TBX10: variants seen among roughly 807,000 people sequenced by gnomAD.
TBX10 encodes the protein T-box transcription factor 10, also known as T-box transcription factor TBX10.
In TBX10, 26 loss-of-function variants were observed where a neutral mutation model predicts 32.4. The observed-to-expected ratio is 0.80, with a 90% CI of 0.59 to 1.11. TBX10 has a LOEUF of 1.11. TBX10 is among the 50% of genes most tolerant of loss of function. The probability of loss-of-function intolerance (pLI) is 0.00; values close to 1 mark genes in which losing one functional copy is unlikely to be tolerated. For synonymous variants in TBX10, 195 were observed against 203.1 expected (o/e 0.96, Z 0.34); for missense variants, 490 against 494.5 (o/e 0.99, Z 0.09).
rs757830371 is a variant in TBX10, at chr11:67,632,900, C to T, written c.705+48G>A. 8 of 1,613,894 alleles carry T rather than the reference C, an allele frequency of 5.0e-6. No homozygotes were observed. In the Admixed American group the frequency reaches 1.0e-4, roughly 20 times the overall value. The stretch of plus-strand genomic sequence containing the variant: ...GCAAGCCTCAGGGCTCAGTCTCCAC[C>T]CCTGTGAAATGGGCCTGCAGCGGGT... On this transcript the variant is annotated intron_variant, in intron 5 of 7. Transcript: ENST00000335385.
chr11:67,635,715 C>T (rs1250581816), intron 1 of TBX10, among the ~76,000 whole-genome samples: 1 of 152,078 alleles, frequency 6.6e-6, no homozygotes. Context: ...AGGGGTCTTC[C>T]CCAGCTCTGT....
intron 5 of TBX10, 58 bp downstream of exon 5, chr11:67,632,890 C>A: frequency 6.2e-7 from 1 of 1,613,324 alleles, no homozygotes; most frequent in African/African-American, 1.3e-5. Flanking sequence ...CCTCAGGGCT[C>A]AGTCTCCACC....
At chr11:67,632,271 A>G (rs1173158385) in intron 7 of TBX10, 47 bp downstream of exon 7, 6 of 1,607,388 alleles carry the variant, frequency 3.7e-6, no homozygotes, top group South Asian at 1.1e-5. Flanking sequence ...CCTTCCGCCC[A>G]CTGTGTACAC....
intron 1 of TBX10, 95 bp from the exon 2 acceptor site, chr11:67,635,358 CT>C: frequency 1.3e-6 from 2 of 1,542,656 alleles, no homozygotes; most frequent in East Asian, 4.6e-5. Flanking sequence ...CCAGGAAGCC[CT>C]CCCTGACTGC....
upstream of TBX10, among the ~76,000 whole-genome samples, chr11:67,640,405 C>T (rs897400862): frequency 1.3e-5 from 2 of 152,250 alleles, no homozygotes; most frequent in Non-Finnish European, 2.9e-5. Flanking sequence ...GGGCACTGCC[C>T]TGGCTGATGG....
Position 67,635,352 on chromosome 11 carries a change from G to A in TBX10, c.8-89C>T, listed in dbSNP as rs78182591. 81 of 1,577,980 alleles carry A rather than the reference G, an allele frequency of 5.1e-5. 1 individual carries two copies. The African/African-American group carries it at 9.9e-4, about 19-fold the overall frequency. ...TGCACCTATATGCCTCTTCCTCCAG[G>A]AAGCCCTCCCTGACTGCCAGGGCTG... On this transcript the variant is annotated intron_variant, in intron 1 of 7. Coordinates refer to ENST00000335385, the MANE Select transcript of TBX10 (RefSeq NM_005995.5).
Position 67,631,383 on chromosome 11 carries a change from C to T in TBX10, c.*222G>A, listed in dbSNP as rs979831559. On this transcript the variant is annotated 3_prime_UTR_variant, in exon 8 of 8. Coordinates refer to ENST00000335385, the MANE Select transcript of TBX10 (RefSeq NM_005995.5). ...GAGTTACCCCCAAAGCAAGAGGGCACAGTATTCAGGCTGCTGGGGTTGGGA... is the reference window on the plus strand; with the variant it reads ...GAGTTACCCCCAAAGCAAGAGGGCATAGTATTCAGGCTGCTGGGGTTGGGA... The T allele has an allele frequency of 4.9e-6, 3 of 611,650 alleles. No homozygotes were observed. The highest frequency in any genetic ancestry group is 8.6e-6 in the Non-Finnish European group (3 of 349,794). 37.9% of individuals were successfully genotyped at this position (611,650 alleles called of 1,614,324 possible).
Position 67,632,434 on chromosome 11 carries a change from G to C in TBX10, c.774-22C>G, listed in dbSNP as rs780369400. ...AGGCCTGAAAGAGCAAGCGAGAATG[G>C]GGGGAGGGGATCAAGGGGAAGAACC... On this transcript the variant is annotated intron_variant, in intron 6 of 7. Coordinates refer to ENST00000335385, the MANE Select transcript of TBX10 (RefSeq NM_005995.5). The C allele has an allele frequency of 1.1e-5, 17 of 1,607,340 alleles. No homozygotes were observed. In the South Asian group the frequency reaches 1.2e-4, roughly 11 times the overall value.
Position 67,631,525 on chromosome 11 carries a change from G to T in TBX10, c.*80C>A. The stretch of plus-strand genomic sequence containing the variant: ...CTCTCCTTGAGACAGAGATGGGGCT[G>T]GAGGGGGCGGGGCAGAGGCTGATTC... On this transcript the variant is annotated 3_prime_UTR_variant, in exon 8 of 8. Transcript: ENST00000335385. 6.6e-7 allele frequency: 1 copy of T among 1,508,996 alleles called. No individual in the cohort carries two copies. Among genetic ancestry groups the T allele is most frequent in the South Asian group, 1.2e-5 (1 of 83,390 alleles). 93.5% of individuals were successfully genotyped at this position (1,508,996 alleles called of 1,614,324 possible). A position where few individuals can be genotyped will look rare whatever the true frequency, so the allele number is the denominator to read the frequency against.
upstream of TBX10, among the ~76,000 whole-genome samples, chr11:67,639,964 G>C (rs1855382779): frequency 6.6e-6 from 1 of 152,196 alleles, no homozygotes; most frequent in African/African-American, 2.4e-5. Flanking sequence ...CATCTGCAGG[G>C]GTCCAGGCCT....
At position 67,632,298 on chromosome 11, in the gene TBX10, C is replaced by T. The variant is rs758534771; in HGVS notation, c.868+20G>A. 6.2e-7 allele frequency: 1 copy of T among 1,612,888 alleles called. No homozygotes were observed. Among genetic ancestry groups the T allele is most frequent in the Non-Finnish European group, 8.5e-7 (1 of 1,179,722 alleles). ...TGTGTACACCTTAGTCCCACTATGT[C>T]TGCAGGCCTGGGGCCTTACCTTTCT... On this transcript the variant is annotated intron_variant, in intron 7 of 7. Coordinates refer to ENST00000335385, the MANE Select transcript of TBX10 (RefSeq NM_005995.5).
rs776632977 is a variant in TBX10 at position 67,632,396 on chromosome 11, G to A, written c.790C>T (p.Pro264Ser). Residue 264 changes from proline (P) to serine (S), a missense_variant, in exon 7 of 8, where the codon CCC becomes TCC. Pro to Ser is a moderately conservative substitution (Grantham distance 74). This residue lies in a region of TBX10 where 177 missense variants were observed against 176.6 expected (regional missense o/e 1.00). Coordinates refer to ENST00000335385, the MANE Select transcript of TBX10 (RefSeq NM_005995.5). ...CTCCGGGCTGGGACACTGAGCAGGG[G>A]CCGTGGGGCCACAGGCCTGAAAGAG... ...DLDSWPVAPR[P>S]LLSVPARSHS... 3.1e-6 allele frequency: 5 copies of A among 1,612,634 alleles called. No homozygotes were observed. In the African/African-American group the frequency reaches 6.7e-5, roughly 22 times the overall value.
chr11:67,639,393 T>TTGCCCCCCCCCCCCCCCCCC, intron 1 of TBX10, 73 bp downstream of exon 1: 1 of 726,926 alleles, frequency 1.4e-6, no homozygotes, highest in Non-Finnish European at 2.5e-6. Flanking sequence ...CTGTCTTGGT[T>TTGCCCCCCCCCCCCCCCCCC]CCCACCCTGC....
At chr11:67,638,360 C>A (rs1169458041) in intron 1 of TBX10, among the ~76,000 whole-genome samples, 3 of 152,160 alleles carry the variant, frequency 2.0e-5, no homozygotes, top group Non-Finnish European at 2.9e-5. Flanking sequence ...CCATAAGGGG[C>A]TGAGAAGCTG....
chr11:67,632,185 C>G lies in TBX10; in HGVS notation c.868+133G>C, dbSNP rs572507948. ...ATTGTCTTAGGCATGTCTGCTTCCC[C>G]CTCCGTGTGTCCACACAGGGGCCCT... On this transcript the variant is annotated intron_variant, in intron 7 of 7. Transcript: ENST00000335385. The G allele has an allele frequency of 1.7e-4, 190 of 1,098,430 alleles. 1 individual carries two copies. Among genetic ancestry groups the G allele is most frequent in the South Asian group, 1.0e-3 (79 of 78,312 alleles). 68.0% of individuals were successfully genotyped at this position (1,098,430 alleles called of 1,614,324 possible).
chr11:67,632,898 A>AC, intron 5 of TBX10, 50 bp downstream of exon 5: 1 of 1,613,884 alleles, frequency 6.2e-7, no homozygotes, highest in Non-Finnish European at 8.5e-7. Context: ...CTCAGTCTCC[A>AC]CCCCTGTGAA....
chr11:67,634,424 G>A (rs1307156221), intron 3 of TBX10, 64 bp from the exon 4 acceptor site: 7 of 1,576,650 alleles, frequency 4.4e-6, no homozygotes, highest in Admixed American at 1.7e-5. Context: ...CAATACAGGC[G>A]GGGTGAAGGG....
At chr11:67,636,307 T>G (rs1190530352) in intron 1 of TBX10, among the ~76,000 whole-genome samples, 2 of 150,818 alleles carry the variant, frequency 1.3e-5, no homozygotes, top group Admixed American at 1.3e-4. Context: ...GGTCTTGAAT[T>G]CCTGAGCTCA....
intron 4 of TBX10, among the ~76,000 whole-genome samples, chr11:67,633,361 C>T (rs536881748): frequency 1.4e-3 from 220 of 152,260 alleles, no homozygotes; most frequent in Admixed American, 3.7e-3. Flanking sequence ...CCGTCACTGT[C>T]GCGTTCACCA....
Sources: allele counts gnomAD v4.1 joint callset (sites outside exome capture counted in the v4.1 genomes callset), GRCh38; gene constraint gnomAD v4.1.1; regional missense constraint gnomAD v4.1.1; transcripts MANE v1.5; gene names NCBI Gene and HGNC (gene_info 2026-07-23, HGNC 2026-07-21).